The following EFHD1 variants were observed in gnomAD, a reference collection of about 807,000 sequenced individuals.
The protein encoded by EFHD1 is EF-hand domain-containing protein D1.
Under a neutral mutation model 17.2 loss-of-function variants are expected in EFHD1, and 10 were observed. That is an observed-to-expected ratio of 0.58 (90% confidence interval 0.36 to 0.99). The LOEUF is 0.99. Among genes scored for constraint, EFHD1 ranks in the 50% least tolerant of loss-of-function variants. EFHD1 has a pLI of 0.01. For synonymous variants in EFHD1, 153 were observed against 142.0 expected (o/e 1.08, Z -0.55); for missense variants, 310 against 327.5 (o/e 0.95, Z 0.41).
In EFHD1 at chr2:232,634,012, C is replaced by T; in HGVS notation, c.302+6C>T. On this transcript the variant is annotated splice_donor_region_variant and intron_variant, in intron 1 of 3. Transcript: ENST00000264059. ...CTGGAGAGCATGTTCAAACTGTGAG[C>T]TCCCGCTGCGCGCCCTTCGCCCCCG... 6.3e-7 allele frequency: 1 copy of T among 1,597,062 alleles called. No homozygotes were observed. Among genetic ancestry groups the T allele is most frequent in the Non-Finnish European group, 8.5e-7 (1 of 1,179,246 alleles).
At chr2:232,672,516 A>G in intron 3 of EFHD1, 73 bp downstream of exon 3, 1 of 1,524,138 alleles carries the variant, frequency 6.6e-7, no homozygotes, top group Non-Finnish European at 8.8e-7. Flanking sequence ...TGCAGCTGTC[A>G]TTTTCATCTC....
chr2:232,660,677 C>T (rs1197650453), intron 1 of EFHD1, among the ~76,000 whole-genome samples: 1 of 151,714 alleles, frequency 6.6e-6, no homozygotes, highest in Admixed American at 6.6e-5. Context: ...GTAAAATGCA[C>T]TTAACATAAA....
chr2:232,606,100 T>A, exon 1 of EFHD1: 1 of 1,543,132 alleles, frequency 6.5e-7, no homozygotes, highest in Non-Finnish European at 8.8e-7. Context: ...CTGCTTGCCT[T>A]TCTCCGTACT....
intron 3 of EFHD1, among the ~76,000 whole-genome samples, chr2:232,673,549 A>G (rs890100240): frequency 2.6e-5 from 4 of 151,874 alleles, no homozygotes; most frequent in African/African-American, 9.7e-5. Context: ...GCCCTACCCA[A>G]ATGCCTCTGC....
chr2:232,662,981 G>A, intron 2 of EFHD1, 32 bp downstream of exon 2: 1 of 1,535,720 alleles, frequency 6.5e-7, no homozygotes. Context: ...GAGCCCCTGT[G>A]GGGTGCCCCT....
chr2:232,647,694 TG>T (rs1694560386), intron 1 of EFHD1, among the ~76,000 whole-genome samples: 1 of 148,888 alleles, frequency 6.7e-6, no homozygotes, highest in African/African-American at 2.5e-5. Context: ...TGGAGTGCAA[TG>T]GCATGATCTC....
chr2:232,662,363 A>G (rs1694888077), intron 1 of EFHD1, among the ~76,000 whole-genome samples: 1 of 151,888 alleles, frequency 6.6e-6, no homozygotes, highest in Non-Finnish European at 1.5e-5. Context: ...GCTGTGGGAG[A>G]GAACCAGGGG....
rs186789771 is a variant in EFHD1 at position 232,634,434 on chromosome 2, C to G, written c.302+428C>G. Among the ~76,000 whole-genome samples, 527 of 152,360 alleles carry G rather than the reference C, an allele frequency of 3.5e-3. 7 individuals carry two copies. The highest frequency in any genetic ancestry group is 0.012 in the African/African-American group (505 of 41,584). On this transcript the variant is annotated intron_variant, in intron 1 of 3. Coordinates refer to ENST00000264059, the MANE Select transcript of EFHD1 (RefSeq NM_025202.4). Reference sequence around the variant, plus strand: ...CCTGTTGGCCTTTTATCTTTTAAAACAAAAGGGGAAAGTTAATCCTTGGCT... The same window carrying G: ...CCTGTTGGCCTTTTATCTTTTAAAAGAAAAGGGGAAAGTTAATCCTTGGCT...
intron 1 of EFHD1, 79 bp downstream of exon 1, chr2:232,634,085 C>T: frequency 6.4e-7 from 1 of 1,556,002 alleles, no homozygotes; most frequent in Non-Finnish European, 8.6e-7. Flanking sequence ...GTCCCGGGCC[C>T]TGTTTGTGTG....
rs547696388 is a variant in EFHD1 at position 232,663,812 on chromosome 2, T to G, written c.450+863T>G. Among the ~76,000 whole-genome samples the G allele has an allele frequency of 1.8e-4, 27 of 151,718 alleles. 1 individual carries two copies. The South Asian group carries it at 5.4e-3, about 31-fold the overall frequency. ...ATTTTGAAATATACAATAATGCGTC[T>G]TCTTTGCTTATCACCCAGGCTGGAG... On this transcript the variant is annotated intron_variant, in intron 2 of 3. Transcript: ENST00000264059.
At chr2:232,615,423 C>T (rs1243310566) in intron 1 of EFHD1, among the ~76,000 whole-genome samples, 2 of 151,724 alleles carry the variant, frequency 1.3e-5, no homozygotes, top group African/African-American at 4.8e-5. Flanking sequence ...ATAATTCTCC[C>T]TCTTATTTCG....
chr2:232,645,602 C>T (rs1179281944), intron 1 of EFHD1, among the ~76,000 whole-genome samples: 2 of 152,204 alleles, frequency 1.3e-5, no homozygotes, highest in African/African-American at 4.8e-5. Flanking sequence ...AGGTCTCTGC[C>T]TCCTCTCTAA....
chr2:232,636,738 G>A (rs1340948627), intron 1 of EFHD1, among the ~76,000 whole-genome samples: 9 of 152,138 alleles, frequency 5.9e-5, no homozygotes, highest in East Asian at 5.8e-4. Flanking sequence ...CAGGAGAATC[G>A]CTTGAACCTG....
At chr2:232,638,275 G>C in intron 1 of EFHD1, 1 of 461,466 alleles carries the variant, frequency 2.2e-6, no homozygotes, top group South Asian at 1.6e-5. Context: ...CTTAAAGGCA[G>C]GACCCCAATG....
At chr2:232,677,770 AC>A (rs1383264724) in intron 3 of EFHD1, among the ~76,000 whole-genome samples, 43 of 152,208 alleles carry the variant, frequency 2.8e-4, no homozygotes, top group African/African-American at 9.9e-4. Context: ...AACTCCCCCA[AC>A]ACAGTTAAAT....
chr2:232,647,680 A>G (rs1402355309), intron 1 of EFHD1, among the ~76,000 whole-genome samples: 1 of 132,752 alleles, frequency 7.5e-6, no homozygotes, highest in Non-Finnish European at 1.6e-5. Context: ...CTTGTCGCCC[A>G]GGCTGGAGTG....
intron 1 of EFHD1, among the ~76,000 whole-genome samples, chr2:232,640,105 C>T (rs575631339): frequency 1.3e-5 from 2 of 152,256 alleles, no homozygotes; most frequent in South Asian, 2.1e-4. Context: ...CAGGAATAAC[C>T]TTGAGTTATT....
intron 2 of EFHD1, among the ~76,000 whole-genome samples, chr2:232,664,611 T>G (rs1005108725): frequency 1.1e-4 from 15 of 132,930 alleles, no homozygotes; most frequent in Non-Finnish European, 2.1e-4. Flanking sequence ...AAATAGTTTT[T>G]TTTTTTTTTT....
intron 1 of EFHD1, chr2:232,638,457 T>TA (rs1694360092): frequency 4.2e-6 from 2 of 471,038 alleles, no homozygotes; most frequent in South Asian, 3.1e-5. Context: ...AGTCCCGCGT[T>TA]ACCAAGACAC....
Sources: allele counts gnomAD v4.1 joint callset (sites outside exome capture counted in the v4.1 genomes callset), GRCh38; gene constraint gnomAD v4.1.1; transcripts MANE v1.5; gene names NCBI Gene and HGNC (gene_info 2026-07-23, HGNC 2026-07-21).